The following NAV3 variants were observed in gnomAD, a reference collection of about 807,000 sequenced individuals.
NAV3 encodes pore membrane and/or filament interacting like protein 1.
In NAV3, 87 loss-of-function variants were observed where a neutral mutation model predicts 244.7. That is an observed-to-expected ratio of 0.36 (90% CI 0.30 to 0.42). NAV3 has a LOEUF of 0.42. Among genes scored for constraint, NAV3 ranks in the 20% least tolerant of loss-of-function variants. The probability of loss-of-function intolerance (pLI) is 1.00; values close to 1 mark genes in which losing one functional copy is unlikely to be tolerated. For missense variants in NAV3, 2,663 were observed against 2,893.3 expected (o/e 0.92, Z 1.83); for synonymous variants, 1,126 against 1,042.2 (o/e 1.08, Z -1.55).
chr12:77,633,384 C>T (rs11106049), intron 2 of NAV3, among the ~76,000 whole-genome samples: 19,677 of 151,890 alleles, frequency 0.13, 2,141 homozygotes, highest in African/African-American at 0.3. Flanking sequence ...ACGTTATTTT[C>T]CTGAAGCTAA....
intron 12 of NAV3, among the ~76,000 whole-genome samples, chr12:78,066,411 G>A (rs1885027881): frequency 6.6e-6 from 1 of 151,996 alleles, no homozygotes; most frequent in African/African-American, 2.4e-5. Context: ...GATAATAGAA[G>A]TCAAAATTAG....
intron 1 of NAV3, among the ~76,000 whole-genome samples, chr12:77,904,736 A>G (rs1435690526): frequency 1.3e-5 from 2 of 152,200 alleles, no homozygotes; most frequent in African/African-American, 4.8e-5. Flanking sequence ...ACACAGCAGT[A>G]TTTATTAAAT....
chr12:78,155,830 A>C (rs1225764324), intron 22 of NAV3, among the ~76,000 whole-genome samples: 1 of 151,902 alleles, frequency 6.6e-6, no homozygotes, highest in African/African-American at 2.4e-5. Context: ...GTCTTTGCCC[A>C]CTTTTTAATG....
At chr12:78,090,578 A>T (rs1366513821) in intron 12 of NAV3, among the ~76,000 whole-genome samples, 1 of 152,124 alleles carries the variant, frequency 6.6e-6, no homozygotes, top group Non-Finnish European at 1.5e-5. Flanking sequence ...TTCTAAATAG[A>T]ACCTTATTGC....
In NAV3 at chr12:77,873,758, ATATATATATGTATAT is replaced by A. The variant is rs1565878809; in HGVS notation, c.243+42055_243+42069del. 6.9e-5 allele frequency among the ~76,000 whole-genome samples: 8 copies of A among 115,302 alleles called. No individual in the cohort carries two copies. In the East Asian group the frequency reaches 7.8e-4, roughly 11 times the overall value. The allele number at this position is 115,302 out of a possible 152,430, so 75.6% of individuals were successfully genotyped here. A position where few individuals can be genotyped will look rare whatever the true frequency, so the allele number is the denominator to read the frequency against. ...TATGTGTGTGTGTATATATATATAT[ATATATATATGTATAT>A]AACAGCATATGCATTATGTGAAATT... On this transcript the variant is annotated intron_variant, in intron 1 of 39. Coordinates refer to ENST00000397909, the MANE Select transcript of NAV3 (RefSeq NM_001024383.2).
chr12:77,996,399 G>A lies in NAV3; in HGVS notation c.740+1528G>A, dbSNP rs541378750. Among the ~76,000 whole-genome samples the A allele has an allele frequency of 1.7e-4, 26 of 152,190 alleles. No homozygotes were observed. In the South Asian group the frequency reaches 5.0e-3, roughly 29 times the overall value. ...CAAAAGTTAAATGCTGGAATCATTTGGAAAATATTCTAATACTTTGTATGA... is the reference window on the plus strand; with the variant it reads ...CAAAAGTTAAATGCTGGAATCATTTAGAAAATATTCTAATACTTTGTATGA... On this transcript the variant is annotated intron_variant, in intron 6 of 39. Coordinates refer to ENST00000397909, the MANE Select transcript of NAV3 (RefSeq NM_001024383.2).
intron 1 of NAV3, among the ~76,000 whole-genome samples, chr12:77,843,315 C>T (rs373913113): frequency 3.9e-4 from 60 of 152,110 alleles, no homozygotes; most frequent in African/African-American, 1.1e-3. Context: ...AAGACTATTT[C>T]GGTAAATGTA....
intron 9 of NAV3, among the ~76,000 whole-genome samples, chr12:78,043,547 G>A (rs991973364): frequency 3.9e-5 from 6 of 152,032 alleles, no homozygotes; most frequent in Non-Finnish European, 7.4e-5. Flanking sequence ...TACTCCCACC[G>A]ACAGTGTAAA....
At chr12:77,816,971 T>C (rs1872551059) in intron 2 of NAV3, among the ~76,000 whole-genome samples, 1 of 152,154 alleles carries the variant, frequency 6.6e-6, no homozygotes, top group Admixed American at 6.6e-5. Flanking sequence ...TATTGACAAA[T>C]TGAATTGGGC....
chr12:78,171,977 T>G (rs913474203), intron 24 of NAV3, among the ~76,000 whole-genome samples: 2 of 151,582 alleles, frequency 1.3e-5, no homozygotes, highest in Admixed American at 1.3e-4. Context: ...TAAAATATTT[T>G]TGTTTACAAA....
At chr12:78,030,445 T>C (rs971732454) in intron 9 of NAV3, among the ~76,000 whole-genome samples, 4 of 152,148 alleles carry the variant, frequency 2.6e-5, no homozygotes, top group African/African-American at 9.7e-5. Flanking sequence ...TTCTAGGAAT[T>C]GGAAAAAATA....
At chr12:77,714,909 T>A (rs1876292658) in intron 2 of NAV3, among the ~76,000 whole-genome samples, 1 of 152,086 alleles carries the variant, frequency 6.6e-6, no homozygotes, top group Non-Finnish European at 1.5e-5. Flanking sequence ...TAACATAATT[T>A]TTAGATTCAC....
chr12:78,081,946 T>C (rs1953375697), intron 12 of NAV3, among the ~76,000 whole-genome samples: 1 of 152,198 alleles, frequency 6.6e-6, no homozygotes, highest in Non-Finnish European at 1.5e-5. Flanking sequence ...CTAATATGGT[T>C]TAGCTGTCTC....
In NAV3 at chr12:77,761,594, A is replaced by G. The variant is rs535382507; in HGVS notation, c.73-178725A>G. 1.8e-4 allele frequency among the ~76,000 whole-genome samples: 28 copies of G among 152,266 alleles called. No homozygotes were observed. In the South Asian group the frequency reaches 5.8e-3, roughly 32 times the overall value. On this transcript the variant is annotated intron_variant, in intron 2 of 8. Coordinates refer to the NAV3 transcript ENST00000550042. ...CAAATTTACAAGAAAAAAACAAACAACCCCATCAAAAAGTGAGTGAAGGAT... is the reference window on the plus strand; with the variant it reads ...CAAATTTACAAGAAAAAAACAAACAGCCCCATCAAAAAGTGAGTGAAGGAT...
intron 7 of NAV3, among the ~76,000 whole-genome samples, chr12:77,999,444 A>G (rs1158258949): frequency 1.3e-5 from 2 of 152,244 alleles, no homozygotes; most frequent in Admixed American, 6.5e-5. Flanking sequence ...CTCAAAATAG[A>G]TAATTGTGAA....
intron 2 of NAV3, among the ~76,000 whole-genome samples, chr12:77,706,311 C>T (rs964501649): frequency 2.6e-5 from 4 of 151,360 alleles, no homozygotes; most frequent in African/African-American, 9.8e-5. Context: ...AATTAAACTT[C>T]TAGGAGTACA....
At chr12:77,740,761 T>G (rs1210412781) in intron 2 of NAV3, among the ~76,000 whole-genome samples, 1 of 151,994 alleles carries the variant, frequency 6.6e-6, no homozygotes, top group East Asian at 1.9e-4. Flanking sequence ...GCTGCTGTAA[T>G]TACTGTGGAA....
At chr12:77,587,417 T>A (rs1869668068) in intron 2 of NAV3, among the ~76,000 whole-genome samples, 1 of 152,218 alleles carries the variant, frequency 6.6e-6, no homozygotes, top group Non-Finnish European at 1.5e-5. Flanking sequence ...TATATGATAG[T>A]GCAATTCATC....
intron 31 of NAV3, among the ~76,000 whole-genome samples, chr12:78,187,990 C>A (rs1211575083): frequency 6.6e-6 from 1 of 151,842 alleles, no homozygotes; most frequent in Non-Finnish European, 1.5e-5. Flanking sequence ...CAGTTTTCCT[C>A]GACATGCTGC....
Sources: allele counts gnomAD v4.1 joint callset (sites outside exome capture counted in the v4.1 genomes callset), GRCh38; gene constraint gnomAD v4.1.1; transcripts MANE v1.5; gene names NCBI Gene and HGNC (gene_info 2026-07-23, HGNC 2026-07-21).